Variants in SIK2 observed in about 807,000 individuals in gnomAD.
SIK2 encodes the protein serine/threonine-protein kinase SIK2.
SIK2 carries 29 observed loss-of-function variants against 103.2 expected under a neutral mutation model. The ratio of observed to expected loss-of-function variants is 0.28; its 90% CI spans 0.21 to 0.38. The LOEUF is 0.38. SIK2 is among the 10% of genes least tolerant of loss of function. The pLI, the probability that SIK2 is intolerant of heterozygous loss-of-function variation, is 1.00. For missense variants in SIK2, 879 were observed against 1,171.0 expected (o/e 0.75, Z 3.64); for synonymous variants, 412 against 446.1 (o/e 0.92, Z 0.96).
intron 3 of SIK2, among the ~76,000 whole-genome samples, chr11:111,660,839 C>CTTTTTTTTTTTTTTTTTTT (rs57174726): frequency 1.1e-4 from 10 of 90,416 alleles, no homozygotes; most frequent in South Asian, 4.9e-4. Context: ...GTGAAGTTGG[C>CTTTTTTTTTTTTTTTTTTT]TTTTTTTTTT....
intron 4 of SIK2, among the ~76,000 whole-genome samples, chr11:111,692,387 A>AAAAAAAAAAAAAAAC (rs1565360215): frequency 8.8e-6 from 1 of 113,402 alleles, no homozygotes; most frequent in Admixed American, 9.8e-5. Flanking sequence ...AAAAAAAAAA[A>AAAAAAAAAAAAAAAC]ACACAAAAAG....
At position 111,721,025 on chromosome 11, in the gene SIK2, C is replaced by T; in HGVS notation, c.1907C>T (p.Ala636Val). 1 of 1,614,030 alleles carries T rather than the reference C, an allele frequency of 6.2e-7. No homozygotes were observed. The highest frequency in any genetic ancestry group is 8.5e-7 in the Non-Finnish European group (1 of 1,179,938). ...PEADPNLAPA[A>V]PQLQDLASSC... Reference sequence around the variant, plus strand: ...GCAGACCCTAACCTGGCGCCGGCGGCTCCTCAGCTCCAGGACCTTGCTAGC... The same window carrying T: ...GCAGACCCTAACCTGGCGCCGGCGGTTCCTCAGCTCCAGGACCTTGCTAGC... Residue 636 changes from alanine (A) to valine (V), a missense_variant, in exon 12 of 15, where the codon GCT (alanine) becomes GTT (valine). Ala to Val is a moderately conservative substitution (Grantham distance 64). Around this residue, in one of 7 missense-constraint regions of SIK2, gnomAD observed 375 missense variants for 416.3 expected, o/e 0.90. Coordinates refer to ENST00000304987, the MANE Select transcript of SIK2 (RefSeq NM_015191.3).
chr11:111,664,745 A>G (rs1009644745), intron 3 of SIK2, among the ~76,000 whole-genome samples: 7 of 142,704 alleles, frequency 4.9e-5, no homozygotes, highest in Non-Finnish European at 9.2e-5. Context: ...TGGGATAGCA[A>G]TCAAGGCATT....
At chr11:111,612,630 T>A (rs991536594) in intron 1 of SIK2, among the ~76,000 whole-genome samples, 1 of 152,296 alleles carries the variant, frequency 6.6e-6, no homozygotes, top group African/African-American at 2.4e-5. Context: ...AGTTCTTTTT[T>A]CCTTCTGTCT....
chr11:111,616,641 A>T (rs1056967373), intron 2 of SIK2, among the ~76,000 whole-genome samples: 1 of 152,172 alleles, frequency 6.6e-6, no homozygotes, highest in South Asian at 2.1e-4. Context: ...ACTTGAGTCC[A>T]GCCTGGGCAA....
chr11:111,664,421 G>T lies in SIK2; in HGVS notation c.317-23580G>T, dbSNP rs546081845. Among the ~76,000 whole-genome samples the T allele has an allele frequency of 2.6e-3, 401 of 152,230 alleles. 1 individual carries two copies. Among genetic ancestry groups the T allele is most frequent in the Non-Finnish European group, 4.7e-3 (317 of 68,014 alleles). Reference sequence around the variant, plus strand: ...ACTTGAGGTCAGGAGTTGGTGACCAGCCTGGCCTACATAGTGAAAGCCTGT... The same window carrying T: ...ACTTGAGGTCAGGAGTTGGTGACCATCCTGGCCTACATAGTGAAAGCCTGT... On this transcript the variant is annotated intron_variant, in intron 3 of 14. Transcript: ENST00000304987.
At chr11:111,613,503 C>T (rs1186355614) in intron 1 of SIK2, among the ~76,000 whole-genome samples, 1 of 152,106 alleles carries the variant, frequency 6.6e-6, no homozygotes, top group Non-Finnish European at 1.5e-5. Context: ...TACACTTATC[C>T]TTTTATCTGG....
At position 111,720,889 on chromosome 11, in the gene SIK2, T is replaced by G; in HGVS notation, c.1781-10T>G. ...TAGTTAAACTGTTTGGTCTTGGTGC[T>G]TTCTTTCAGGAATTGTAGCATTTAG... On this transcript the variant is annotated splice_polypyrimidine_tract_variant and intron_variant, in intron 11 of 14. Transcript: ENST00000304987. The G allele has an allele frequency of 6.2e-7, 1 of 1,612,978 alleles. No homozygotes were observed. The highest frequency in any genetic ancestry group is 1.3e-5 in the African/African-American group (1 of 75,002).
At chr11:111,618,034 G>A (rs1941832251) in intron 2 of SIK2, among the ~76,000 whole-genome samples, 1 of 152,134 alleles carries the variant, frequency 6.6e-6, no homozygotes, top group Non-Finnish European at 1.5e-5. Flanking sequence ...GACTACAAGT[G>A]CATGACAGTG....
In SIK2 at chr11:111,612,915, G is replaced by GATAT. The variant is rs67675103; in HGVS notation, c.136-3299_136-3296dup. Among the ~76,000 whole-genome samples the GATAT allele has an allele frequency of 6.6e-3, 331 of 49,930 alleles. 5 individuals are homozygous for GATAT. Among genetic ancestry groups the GATAT allele is most frequent in the African/African-American group, 0.016 (254 of 15,784 alleles). The allele number at this position is 49,930 out of a possible 152,430, so 32.8% of individuals were successfully genotyped here. Reference sequence around the variant, plus strand: ...CCTTAGAAACAAGGGATAGCAATGGGATATATATATATATATATATATATA... The same window carrying GATAT: ...CCTTAGAAACAAGGGATAGCAATGGGATATATATATATATATATATATATATATA... On this transcript the variant is annotated intron_variant, in intron 1 of 14. Coordinates refer to ENST00000304987, the MANE Select transcript of SIK2 (RefSeq NM_015191.3).
At chr11:111,627,968 A>C (rs1021939926) in intron 3 of SIK2, among the ~76,000 whole-genome samples, 1 of 152,156 alleles carries the variant, frequency 6.6e-6, no homozygotes, top group African/African-American at 2.4e-5. Flanking sequence ...TCTCTAGTCA[A>C]GTACATTTTA....
At chr11:111,625,564 AC>A (rs1941950256) in intron 3 of SIK2, among the ~76,000 whole-genome samples, 1 of 152,188 alleles carries the variant, frequency 6.6e-6, no homozygotes, top group African/African-American at 2.4e-5. Context: ...TATCCTAGAA[AC>A]CAAGTGACCA....
chr11:111,656,028 A>G lies in SIK2; in HGVS notation c.317-31973A>G, dbSNP rs1256050678. Among the ~76,000 whole-genome samples the G allele has an allele frequency of 2.4e-3, 368 of 151,674 alleles. 1 individual carries two copies. Among genetic ancestry groups the G allele is most frequent in the Non-Finnish European group, 4.3e-3 (292 of 67,836 alleles). Reference sequence around the variant, plus strand: ...CCCTGTCTATACTAAAAATGCAAAAAAAAAAAAAAAAAATAGCCTGGTTTG... The same window carrying G: ...CCCTGTCTATACTAAAAATGCAAAAGAAAAAAAAAAAAATAGCCTGGTTTG... On this transcript the variant is annotated intron_variant, in intron 3 of 14. Transcript: ENST00000304987.
At chr11:111,677,657 G>T (rs1197799473) in intron 3 of SIK2, among the ~76,000 whole-genome samples, 4 of 135,000 alleles carry the variant, frequency 3.0e-5, no homozygotes, top group African/African-American at 1.1e-4. Flanking sequence ...TCGAACCCCT[G>T]ACCTCCAGTG....
chr11:111,630,819 G>A (rs1159462068), intron 3 of SIK2, among the ~76,000 whole-genome samples: 1 of 152,130 alleles, frequency 6.6e-6, no homozygotes, highest in East Asian at 1.9e-4. Flanking sequence ...AAGAGGTTAA[G>A]GATGCATGGG....
chr11:111,681,515 T>G (rs1330097303), intron 3 of SIK2, among the ~76,000 whole-genome samples: 2 of 152,226 alleles, frequency 1.3e-5, no homozygotes, highest in Non-Finnish European at 2.9e-5. Context: ...CTCAGACTCC[T>G]TTGTAGTCAT....
chr11:111,724,235 G>T lies in SIK2; in HGVS notation c.*106G>T, dbSNP rs1010187039. 7.0e-7 allele frequency: 1 copy of T among 1,427,288 alleles called. No homozygotes were observed. Among genetic ancestry groups the T allele is most frequent in the African/African-American group, 1.4e-5 (1 of 70,610 alleles). The allele number at this position is 1,427,288 out of a possible 1,614,324, so 88.4% of individuals were successfully genotyped here. ...CTTATTTTCTTGCCCTCTCCCTAAC[G>T]GGGAGAAATCGAGCCACCCAACTGG... On this transcript the variant is annotated 3_prime_UTR_variant, in exon 15 of 15. Transcript: ENST00000304987.
At chr11:111,606,815 T>C (rs1941654833) in intron 1 of SIK2, among the ~76,000 whole-genome samples, 1 of 152,150 alleles carries the variant, frequency 6.6e-6, no homozygotes, top group South Asian at 2.1e-4. Context: ...TTGAGAAATT[T>C]AAAAGTATAA....
Position 111,730,299 on chromosome 11 carries a change from A to C in SIK2, c.*6170A>C, listed in dbSNP as rs1434360758. ...TGCTGGCTCTGTGGTGTCTGTCTGC[A>C]GAAGATTTGCTCAGTCAAGGAAATT... On this transcript the variant is annotated 3_prime_UTR_variant, in exon 15 of 15. Transcript: ENST00000304987. 6.6e-6 allele frequency: 1 copy of C among 152,246 alleles called. No homozygotes were observed. Among genetic ancestry groups the C allele is most frequent in the Non-Finnish European group, 1.5e-5 (1 of 68,054 alleles). The allele number at this position is 152,246 out of a possible 1,614,324, so 9.4% of individuals were successfully genotyped here.
Sources: gnomAD v4.1 joint callset for allele counts (sites outside exome capture counted in the v4.1 genomes callset) on GRCh38, gnomAD v4.1.1 for gene constraint, gnomAD v4.1.1 regional missense constraint, MANE v1.5 for transcripts, NCBI Gene and HGNC (gene_info 2026-07-23, HGNC 2026-07-21) for gene names.